Variants in PASK observed in about 807,000 individuals in gnomAD.
PASK encodes PAS domain-containing serine/threonine-protein kinase.
Under a neutral mutation model 121.0 loss-of-function variants are expected in PASK, and 110 were observed. That is an observed-to-expected ratio of 0.91 (90% CI 0.78 to 1.06). PASK has a LOEUF of 1.06. Among genes scored for constraint, PASK ranks in the 50% least tolerant of loss-of-function variants. The pLI is 0.00. For missense variants in PASK, 1,643 were observed against 1,702.3 expected (o/e 0.97, Z 0.61); for synonymous variants, 686 against 717.8 (o/e 0.96, Z 0.71).
At chr2:241,139,260 C>T (rs1370536053) in intron 4 of PASK, among the ~76,000 whole-genome samples, 1 of 152,222 alleles carries the variant, frequency 6.6e-6, no homozygotes, top group African/African-American at 2.4e-5. Context: ...TGGATGACTA[C>T]TAGAGCCTCA....
Position 241,137,178 on chromosome 2 carries a change from G to A in PASK, c.963C>T (p.Ser321=), listed in dbSNP as rs759437351. 9 of 1,612,478 alleles carry A rather than the reference G, an allele frequency of 5.6e-6. No individual in the cohort carries two copies. The highest frequency in any genetic ancestry group is 2.2e-5 in the East Asian group (1 of 44,876). ...CCGCCTCACCGGTGGTCGCCTCCTC[G>A]CTGCTGGGTTGGGATTTCAGCTTTA... ...LSLKLKSQPS[S]EEATTGEAAP... The change falls in exon 7 of 18, where the codon AGC becomes AGT. Residue 321 remains serine, a synonymous_variant. Coordinates refer to ENST00000234040, the MANE Select transcript of PASK (RefSeq NM_015148.4).
In PASK at chr2:241,122,704, C is replaced by T. The variant is rs373543998; in HGVS notation, c.3072+28G>A. The T allele has an allele frequency of 9.3e-6, 15 of 1,608,946 alleles. No individual in the cohort carries two copies. In the Admixed American group the frequency reaches 1.0e-4, roughly 11 times the overall value. On this transcript the variant is annotated intron_variant, in intron 12 of 17. Transcript: ENST00000234040. ...GAGAGCCATGTGAAGTGGTGCCCGGCGCCACTCCCCCCCCACAGCCAGGTT... is the reference window on the plus strand; with the variant it reads ...GAGAGCCATGTGAAGTGGTGCCCGGTGCCACTCCCCCCCCACAGCCAGGTT...
chr2:241,114,189 G>C (rs2065229932), intron 14 of PASK: 1 of 972,284 alleles, frequency 1.0e-6, no homozygotes, highest in African/African-American at 1.8e-5. Context: ...AAGAGGGAGA[G>C]AGGTGACCCT....
Position 241,140,206 on chromosome 2 carries a change from T to A in PASK, c.430-151A>T. 7.1e-6 allele frequency: 4 copies of A among 561,718 alleles called. 1 individual carries two copies. The highest frequency in any genetic ancestry group is 1.1e-5 in the Non-Finnish European group (4 of 351,494). 34.8% of individuals were successfully genotyped at this position (561,718 alleles called of 1,614,324 possible). On this transcript the variant is annotated intron_variant, in intron 3 of 17. Transcript: ENST00000234040. ...CCCAGGCTGGAGTGCAGTGGCGCAATCAGAGCTCACTGCAGCGGCGCAATC... is the reference window on the plus strand; with the variant it reads ...CCCAGGCTGGAGTGCAGTGGCGCAAACAGAGCTCACTGCAGCGGCGCAATC...
At chr2:241,117,643 G>A (rs1043661558) in intron 12 of PASK, among the ~76,000 whole-genome samples, 2 of 152,144 alleles carry the variant, frequency 1.3e-5, no homozygotes, top group Non-Finnish European at 2.9e-5. Flanking sequence ...AAGACATCCT[G>A]GTGAAAACTT....
Position 241,115,302 on chromosome 2 carries a change from C to T in PASK, c.3184G>A (p.Ala1062Thr), listed in dbSNP as rs771163808. The T allele has an allele frequency of 1.1e-5, 17 of 1,613,874 alleles. No individual in the cohort carries two copies. The Admixed American group carries it at 1.5e-4, about 14-fold the overall frequency. ...EIAILSRVEH[A>T]NIIKVLDIFE... ...GAAACCATCACCTTGATGATATTGGCGTGCTCCACCCTGGATAGAATTGCG... is the reference window on the plus strand; with the variant it reads ...GAAACCATCACCTTGATGATATTGGTGTGCTCCACCCTGGATAGAATTGCG... Residue 1062 changes from alanine (A) to threonine (T), a missense_variant, in exon 13 of 18, where the codon GCC becomes ACC. Around this residue, in one of 3 missense-constraint regions of PASK, gnomAD observed 453 missense variants for 511.2 expected, o/e 0.89. Transcript: ENST00000234040.
chr2:241,121,945 C>T (rs1053336100), intron 12 of PASK, among the ~76,000 whole-genome samples: 7 of 152,132 alleles, frequency 4.6e-5, no homozygotes, highest in African/African-American at 1.7e-4. Context: ...TGACATTATA[C>T]AAAGTATGTT....
At chr2:241,150,288 C>T (rs1443111097), upstream of PASK, 9 of 1,317,624 alleles carry the variant, frequency 6.8e-6, no homozygotes, top group Non-Finnish European at 9.7e-7. Context: ...TCCGGCTCCG[C>T]CGCCTGAAAT....
intron 1 of PASK, 102 bp downstream of exon 1, chr2:241,149,312 G>A (rs2067160931): frequency 9.9e-6 from 2 of 202,598 alleles, no homozygotes; most frequent in South Asian, 1.3e-4. Context: ...AGAGTCGGGC[G>A]GCGGATCCTC....
intron 12 of PASK, among the ~76,000 whole-genome samples, chr2:241,119,511 C>T (rs2065515349): frequency 6.6e-6 from 1 of 151,152 alleles, no homozygotes; most frequent in Admixed American, 6.6e-5. Flanking sequence ...GCTCTGTCGC[C>T]CAGGCTGGAG....
chr2:241,129,902 C>G (rs1050330662), intron 9 of PASK, among the ~76,000 whole-genome samples: 1 of 152,242 alleles, frequency 6.6e-6, no homozygotes, highest in African/African-American at 2.4e-5. Flanking sequence ...CACCTGCTGT[C>G]TGAGCACATC....
At position 241,106,430 on chromosome 2, in the gene PASK, T is replaced by C. The variant is rs1252076920; in HGVS notation, c.*136A>G. On this transcript the variant is annotated 3_prime_UTR_variant, in exon 18 of 18. Transcript: ENST00000234040. The stretch of plus-strand genomic sequence containing the variant: ...ACAGCATCACTGTCTTCTGTTCTGG[T>C]GTTTATCAAACCTGCACATGAGTTT... 5 of 849,318 alleles carry C rather than the reference T, an allele frequency of 5.9e-6. No individual in the cohort carries two copies. Among genetic ancestry groups the C allele is most frequent in the Admixed American group, 5.1e-5 (3 of 58,614 alleles). The allele number at this position is 849,318 out of a possible 1,614,324, so 52.6% of individuals were successfully genotyped here. A position where few individuals can be genotyped will look rare whatever the true frequency, so the allele number is the denominator to read the frequency against.
chr2:241,146,525 A>G (rs1015938894), intron 1 of PASK, among the ~76,000 whole-genome samples: 2 of 152,222 alleles, frequency 1.3e-5, no homozygotes, highest in African/African-American at 4.8e-5. Context: ...AAGAAGATAG[A>G]TTTTAAATTC....
chr2:241,132,835 A>C (rs2066228402), intron 9 of PASK, 39 bp downstream of exon 9: 2 of 1,546,176 alleles, frequency 1.3e-6, no homozygotes, highest in East Asian at 4.5e-5. Flanking sequence ...ATCTGTCTGG[A>C]CTTTTAGTAA....
intron 9 of PASK, among the ~76,000 whole-genome samples, chr2:241,130,206 G>A (rs78058173): frequency 0.04 from 6,165 of 152,306 alleles, 191 homozygotes; most frequent in Non-Finnish European, 0.064. Context: ...TGTTGAATAA[G>A]CGAACGAGTG....
intron 9 of PASK, among the ~76,000 whole-genome samples, chr2:241,129,134 T>C (rs991312356): frequency 2.8e-4 from 43 of 151,974 alleles, no homozygotes; most frequent in African/African-American, 1.0e-3. Flanking sequence ...CTGCACATCC[T>C]CCTGCAGGAT....
chr2:241,107,247 G>T, intron 17 of PASK, 106 bp downstream of exon 17: 3 of 975,910 alleles, frequency 3.1e-6, no homozygotes, highest in Admixed American at 3.4e-5. Context: ...AAGACAGCAT[G>T]GGGGAGAGAG....
chr2:241,113,477 T>C (rs1558099), intron 14 of PASK: 3,496 of 152,864 alleles, frequency 0.023, 293 homozygotes, highest in East Asian at 0.23. Context: ...CACACCTGCA[T>C]ACACACGTGT....
upstream of PASK, chr2:241,149,628 C>T (rs1287281598): frequency 6.5e-7 from 1 of 1,537,812 alleles, no homozygotes; most frequent in East Asian, 2.4e-5. Context: ...TACGGCGCTT[C>T]GGAGGAGCCA....
Sources: gnomAD v4.1 joint callset for allele counts (sites outside exome capture counted in the v4.1 genomes callset) on GRCh38, gnomAD v4.1.1 for gene constraint, gnomAD v4.1.1 regional missense constraint, MANE v1.5 for transcripts, NCBI Gene and HGNC (gene_info 2026-07-23, HGNC 2026-07-21) for gene names.